The following PABIR3 variants were observed in gnomAD, a reference collection of about 807,000 sequenced individuals.
PABIR3 encodes the protein PABIR family member 3.
In PABIR3, 20 loss-of-function variants were observed where a neutral mutation model predicts 23.1. The observed-to-expected ratio is 0.86, with a 90% CI of 0.61 to 1.26. PABIR3 has a LOEUF of 1.26. PABIR3 is among the 50% of genes most tolerant of loss of function. The pLI is 0.00. For synonymous variants in PABIR3, 69 were observed against 68.5 expected, an observed-to-expected ratio of 1.01 and a Z score of -0.04; for missense variants, 189 against 195.4, an observed-to-expected ratio of 0.97 and a Z score of 0.20.
chrX:134,809,732 C>T (rs1371288200), intron 2 of PABIR3: 2 of 706,893 alleles, frequency 2.8e-6, no homozygotes, highest in East Asian at 1.6e-4. Context: ...TCCAAAATGA[C>T]GTTTAGTGGC....
Position 134,807,296 on chromosome X carries a change from G to A in PABIR3, c.-105G>A, listed in dbSNP as rs188271007. ...GGCTGAGAGAGATGGAGAAGGATTC[G>A]CGGCGGTGACAGATTAAATTCCCCA... On this transcript the variant is annotated 5_prime_UTR_variant, in exon 1 of 11. Coordinates refer to ENST00000645433, the MANE Select transcript of PABIR3 (RefSeq NM_001388447.1). 2.2e-3 allele frequency: 2,009 copies of A among 927,975 alleles called. 20 individuals are homozygous for A. The African/African-American group carries it at 0.036, about 16-fold the overall frequency. The allele number at this position is 927,975 out of a possible 1,213,427, so 76.5% of individuals were successfully genotyped here.
the PABIR3 span, among the ~76,000 whole-genome samples, chrX:134,862,142 GTT>G: frequency 1.9e-3 from 92 of 47,892 alleles, no homozygotes; most frequent in African/African-American, 8.0e-3. Context: ...TTTATTGGCT[GTT>G]TTTTTTTTTT....
upstream of PABIR3, chrX:134,804,387 A>G: frequency 4.7e-6 from 2 of 428,999 alleles, no homozygotes; most frequent in Non-Finnish European, 7.8e-6. Flanking sequence ...TGTATGTACT[A>G]TGAGTCCTAT....
downstream of PABIR3, among the ~76,000 whole-genome samples, chrX:134,856,074 G>A (rs2082748426): frequency 8.9e-6 from 1 of 111,917 alleles, no homozygotes; most frequent in Non-Finnish European, 1.9e-5. Flanking sequence ...GTAACTAATG[G>A]GGATAAGACT....
chrX:134,826,536 C>CT (rs915370117), intron 3 of PABIR3, among the ~76,000 whole-genome samples: 14 of 107,255 alleles, frequency 1.3e-4, no homozygotes, highest in East Asian at 2.9e-4. Flanking sequence ...TATTAGCTGT[C>CT]TTTTTTTTTT....
intron 3 of PABIR3, among the ~76,000 whole-genome samples, chrX:134,826,057 A>G (rs2081491273): frequency 9.1e-6 from 1 of 110,401 alleles, no homozygotes; most frequent in Non-Finnish European, 1.9e-5. Context: ...ATCTATTCCA[A>G]AGTTAAATAG....
rs750259867 is a variant in PABIR3, at chrX:134,844,842, C to T, written c.247-363C>T. On this transcript the variant is annotated intron_variant, in intron 4 of 10. Transcript: ENST00000645433. ...TTATTAATATCATAGTATTAATGGC[C>T]ATCCATAGCTATTGTGGACTAGTTT... Among the ~76,000 whole-genome samples the T allele has an allele frequency of 1.4e-3, 158 of 111,968 alleles. 2 individuals are homozygous for T. The highest frequency in any genetic ancestry group is 0.014 in the Middle Eastern group (3 of 216).
chrX:134,856,958 G>T (rs2082753318), downstream of PABIR3, among the ~76,000 whole-genome samples: 1 of 111,137 alleles, frequency 9.0e-6, no homozygotes. Context: ...GTTGCAGTGA[G>T]CCGAGATCAC....
chrX:134,809,324 C>T (rs1237540039), intron 2 of PABIR3: 2 of 137,036 alleles, frequency 1.5e-5, no homozygotes, highest in Non-Finnish European at 2.6e-5. Flanking sequence ...CGCCACCACG[C>T]CCACCTAATT....
At chrX:134,807,068 G>A (rs958030466), upstream of PABIR3, 6 of 535,231 alleles carry the variant, frequency 1.1e-5, no homozygotes, top group Admixed American at 4.5e-4. Flanking sequence ...GCAGGACATG[G>A]GGATAAAGCG....
chrX:134,858,350 A>G (rs2082758806), downstream of PABIR3, among the ~76,000 whole-genome samples: 1 of 111,658 alleles, frequency 9.0e-6, no homozygotes, highest in South Asian at 3.7e-4. Flanking sequence ...TAGAATTGAG[A>G]CAAATCAAAT....
chrX:134,844,943 G>C lies in PABIR3; in HGVS notation c.247-262G>C, dbSNP rs958869161. 2.7e-5 allele frequency among the ~76,000 whole-genome samples: 3 copies of C among 112,014 alleles called. No individual in the cohort carries two copies. In the South Asian group the frequency reaches 1.1e-3, roughly 41 times the overall value. ...TTGAATGCTTAATGTTGTTGCTTTT[G>C]AATAAAGAAAAGTACAAAGTTTTTC... On this transcript the variant is annotated intron_variant, in intron 4 of 10. Coordinates refer to ENST00000645433, the MANE Select transcript of PABIR3 (RefSeq NM_001388447.1).
chrX:134,797,862 G>C (rs1460543100), intron 1 of PABIR3, among the ~76,000 whole-genome samples: 1 of 105,264 alleles, frequency 9.5e-6, no homozygotes. Context: ...CGCCCAGGCT[G>C]GAGGGCAGTG....
intron 1 of PABIR3, among the ~76,000 whole-genome samples, chrX:134,801,296 A>G (rs2080059452): frequency 8.9e-6 from 1 of 112,575 alleles, no homozygotes; most frequent in African/African-American, 3.2e-5. Context: ...CACATAAGCA[A>G]AAGGTATTTC....
At chrX:134,861,503 T>C in the PABIR3 span, among the ~76,000 whole-genome samples, 1 of 105,997 alleles carries the variant, frequency 9.4e-6, no homozygotes, top group Non-Finnish European at 1.9e-5. Flanking sequence ...AGGTTTGCTC[T>C]CTACTAAAAA....
chrX:134,821,340 C>G (rs905865133), intron 3 of PABIR3: 22 of 1,151,725 alleles, frequency 1.9e-5, no homozygotes, highest in Non-Finnish European at 2.5e-5. Flanking sequence ...ATTACTTCAC[C>G]CACTTCTGTT....
intron 7 of PABIR3, 63 bp from the exon 8 acceptor site, chrX:134,847,820 A>G: frequency 1.0e-6 from 1 of 961,654 alleles, no homozygotes. Flanking sequence ...TCCCTAGGAA[A>G]CCAATGATCT....
At chrX:134,842,170 G>A (rs1483611337) in intron 4 of PABIR3, among the ~76,000 whole-genome samples, 2 of 111,787 alleles carry the variant, frequency 1.8e-5, no homozygotes, top group Admixed American at 1.9e-4. Context: ...TTTTAATTGG[G>A]TTGGTTTTTG....
rs775098156 is a variant in PABIR3 at position 134,810,925 on chromosome X, C to G, written c.110+3217C>G. The G allele has an allele frequency of 2.5e-5, 19 of 752,430 alleles. No individual in the cohort carries two copies. The African/African-American group carries it at 3.7e-4, about 15-fold the overall frequency. The allele number at this position is 752,430 out of a possible 1,213,427, so 62.0% of individuals were successfully genotyped here. Reference sequence around the variant, plus strand: ...CATGCCTGAGGTCAGGGAACTTGCCCAAATGATCTGAGGGGATGTTTTGTG... The same window carrying G: ...CATGCCTGAGGTCAGGGAACTTGCCGAAATGATCTGAGGGGATGTTTTGTG... On this transcript the variant is annotated intron_variant, in intron 2 of 10. Transcript: ENST00000645433.
Sources: allele counts gnomAD v4.1 joint callset (sites outside exome capture counted in the v4.1 genomes callset), GRCh38; gene constraint gnomAD v4.1.1; transcripts MANE v1.5; gene names NCBI Gene and HGNC (gene_info 2026-07-23, HGNC 2026-07-21).